The following NME7 variants were observed in gnomAD, a reference collection of about 807,000 sequenced individuals.
NME7 encodes NME/NM23 family member 7, also known as nucleoside diphosphate kinase 7.
NME7 carries 41 observed loss-of-function variants against 49.1 expected under a neutral mutation model. The observed-to-expected ratio is 0.83, with a 90% CI of 0.65 to 1.08. The LOEUF (loss-of-function observed/expected upper bound fraction) is 1.08. Among genes scored for constraint, NME7 ranks in the 50% least tolerant of loss-of-function variants. The pLI is 0.00. For missense variants in NME7, 423 were observed against 463.4 expected (o/e 0.91, Z 0.80); for synonymous variants, 139 against 150.6 (o/e 0.92, Z 0.56).
intron 1 of NME7, among the ~76,000 whole-genome samples, chr1:169,333,821 C>T (rs549159618): frequency 1.3e-5 from 2 of 152,138 alleles, no homozygotes; most frequent in South Asian, 2.1e-4. Context: ...AGTGTTTGCT[C>T]GATTTCTAGA....
intron 1 of NME7, among the ~76,000 whole-genome samples, chr1:169,341,884 G>A (rs1336265774): frequency 6.6e-6 from 1 of 152,180 alleles, no homozygotes; most frequent in Non-Finnish European, 1.5e-5. Flanking sequence ...CCCAATGCCT[G>A]TGCCCCCACT....
At chr1:169,220,587 TAATCACTG>T (rs1373723874) in intron 10 of NME7, among the ~76,000 whole-genome samples, 1 of 152,198 alleles carries the variant, frequency 6.6e-6, no homozygotes, top group African/African-American at 2.4e-5. Context: ...GATTATTTTG[TAATCACTG>T]AATCACTTAA....
At chr1:169,362,959 T>C (rs372624080) in intron 1 of NME7, among the ~76,000 whole-genome samples, 43 of 152,200 alleles carry the variant, frequency 2.8e-4, no homozygotes, top group African/African-American at 9.9e-4. Flanking sequence ...ATATATTAGC[T>C]GAACGTGGTG....
At chr1:169,194,689 T>C (rs1435946942) in intron 10 of NME7, among the ~76,000 whole-genome samples, 1 of 152,206 alleles carries the variant, frequency 6.6e-6, no homozygotes, top group Admixed American at 6.5e-5. Context: ...TTAAGATCTT[T>C]AAACTAAATT....
intron 1 of NME7, among the ~76,000 whole-genome samples, chr1:169,328,933 G>T (rs1652161357): frequency 6.6e-6 from 1 of 152,128 alleles, no homozygotes; most frequent in South Asian, 2.1e-4. Flanking sequence ...GTACAAACAT[G>T]CCAAGATTGC....
chr1:169,227,449 T>G (rs1035835390), intron 10 of NME7, among the ~76,000 whole-genome samples: 1 of 152,228 alleles, frequency 6.6e-6, no homozygotes, highest in African/African-American at 2.4e-5. Context: ...AGGCAATTTA[T>G]GGAGAAAATA....
chr1:169,304,419 T>A (rs1000787228), intron 4 of NME7, among the ~76,000 whole-genome samples: 1 of 152,218 alleles, frequency 6.6e-6, no homozygotes, highest in South Asian at 2.1e-4. Flanking sequence ...TAAGATTTTA[T>A]CAGGATATTA....
intron 4 of NME7, 126 bp downstream of exon 4, chr1:169,309,844 G>T: frequency 1.7e-6 from 1 of 598,128 alleles, no homozygotes; most frequent in Non-Finnish European, 2.8e-6. Context: ...TTTTGGTTAA[G>T]TTACTATTCT....
At chr1:169,133,672 T>G (rs1658328884) in intron 11 of NME7, among the ~76,000 whole-genome samples, 1 of 152,348 alleles carries the variant, frequency 6.6e-6, no homozygotes, top group East Asian at 1.9e-4. Flanking sequence ...CTTTAATAGT[T>G]GAAGTCTTTA....
intron 11 of NME7, among the ~76,000 whole-genome samples, chr1:169,137,219 G>A (rs80071971): frequency 6.3e-4 from 96 of 152,354 alleles, no homozygotes; most frequent in African/African-American, 2.2e-3. Flanking sequence ...GTCTGTGCAC[G>A]GGGCCACATG....
At chr1:169,283,039 A>T (rs988694556) in intron 7 of NME7, among the ~76,000 whole-genome samples, 5 of 152,114 alleles carry the variant, frequency 3.3e-5, no homozygotes, top group Admixed American at 1.3e-4. Context: ...TAATATTGAC[A>T]CTGGGGTGTT....
At chr1:169,356,376 T>C (rs997499712) in intron 1 of NME7, among the ~76,000 whole-genome samples, 8 of 152,118 alleles carry the variant, frequency 5.3e-5, no homozygotes, top group Non-Finnish European at 8.8e-5. Flanking sequence ...GTTGTTACTT[T>C]AGAAAGGTGG....
intron 7 of NME7, among the ~76,000 whole-genome samples, chr1:169,242,603 G>A (rs550796068): frequency 1.3e-4 from 20 of 151,664 alleles, no homozygotes; most frequent in Admixed American, 2.0e-4. Flanking sequence ...GAGATAAAAA[G>A]TATACAGACA....
intron 10 of NME7, among the ~76,000 whole-genome samples, chr1:169,197,420 T>C (rs995977921): frequency 2.0e-5 from 3 of 152,128 alleles, no homozygotes; most frequent in African/African-American, 4.8e-5. Context: ...TGTGTGTGTG[T>C]GTATTCTTAG....
chr1:169,172,779 T>C (rs75884609), intron 10 of NME7, among the ~76,000 whole-genome samples: 4,517 of 152,262 alleles, frequency 0.03, 85 homozygotes, highest in South Asian at 0.08. Flanking sequence ...GTTTCCTCTA[T>C]AAAAGCAAAT....
At chr1:169,321,009 A>AT (rs1373354056) in intron 3 of NME7, among the ~76,000 whole-genome samples, 5 of 152,220 alleles carry the variant, frequency 3.3e-5, no homozygotes, top group African/African-American at 1.2e-4. Context: ...TATAAAATAG[A>AT]TTTAACAACA....
At chr1:169,325,941 CT>C (rs552400622) in intron 1 of NME7, among the ~76,000 whole-genome samples, 1 of 151,932 alleles carries the variant, frequency 6.6e-6, no homozygotes, top group African/African-American at 2.4e-5. Flanking sequence ...AACAATACAG[CT>C]TTTTTGAGTT....
chr1:169,136,996 A>G (rs768739706), intron 11 of NME7, among the ~76,000 whole-genome samples: 2 of 152,268 alleles, frequency 1.3e-5, no homozygotes, highest in African/African-American at 4.8e-5. Context: ...TCTATCGCAC[A>G]GTTGTGGAAT....
chr1:169,247,162 CAAAAT>C (rs981020992), intron 7 of NME7: 1 of 448,786 alleles, frequency 2.2e-6, no homozygotes, highest in African/African-American at 2.0e-5. Context: ...CTAAGAAAAA[CAAAAT>C]AAAGTACGGT....
Sources: gnomAD v4.1 joint callset for allele counts (sites outside exome capture counted in the v4.1 genomes callset) on GRCh38, gnomAD v4.1.1 for gene constraint, MANE v1.5 for transcripts, NCBI Gene and HGNC (gene_info 2026-07-23, HGNC 2026-07-21) for gene names.